Variants in WWC1 observed in about 807,000 individuals in gnomAD.
WWC1 encodes the protein protein KIBRA.
In WWC1, 55 loss-of-function variants were observed where a neutral mutation model predicts 138.4. The ratio of observed to expected loss-of-function variants is 0.40; its 90% CI spans 0.32 to 0.50. The LOEUF is 0.50. Among genes scored for constraint, WWC1 ranks in the 20% least tolerant of loss-of-function variants. The pLI is 0.72. For missense variants in WWC1, 1,226 were observed against 1,420.4 expected (o/e 0.86, Z 2.20); for synonymous variants, 524 against 564.9 (o/e 0.93, Z 1.03).
chr5:168,390,807 C>G (rs924516770), intron 3 of WWC1, among the ~76,000 whole-genome samples: 2 of 152,236 alleles, frequency 1.3e-5, no homozygotes, highest in African/African-American at 4.8e-5. Flanking sequence ...GGTGTAATCT[C>G]TAGCTCCATG....
Position 168,467,967 on chromosome 5 carries a change from A to G in WWC1, c.3275+3A>G, listed in dbSNP as rs1221711646. 1 of 1,614,108 alleles carries G rather than the reference A, an allele frequency of 6.2e-7. No homozygotes were observed. Among genetic ancestry groups the G allele is most frequent in the South Asian group, 1.1e-5 (1 of 91,082 alleles). ...CCCCCAGAAGTTCAGTCTTTCAGGT[A>G]AGCAGAGGGCCCCGGCAGCCCCCCA... On this transcript the variant is annotated splice_donor_region_variant and intron_variant, in intron 22 of 22. Transcript: ENST00000265293.
intron 2 of WWC1, among the ~76,000 whole-genome samples, chr5:168,381,369 A>C (rs1220903411): frequency 2.0e-5 from 3 of 152,132 alleles, no homozygotes; most frequent in Admixed American, 6.5e-5. Flanking sequence ...GGAACTGGAC[A>C]CGGGCCCAGC....
intron 5 of WWC1, among the ~76,000 whole-genome samples, chr5:168,405,360 G>A (rs1376981612): frequency 6.6e-6 from 1 of 152,184 alleles, no homozygotes; most frequent in Non-Finnish European, 1.5e-5. Context: ...CTTGTGGGGT[G>A]AGGCCAGGTA....
At chr5:168,438,609 C>T (rs1336543824) in intron 15 of WWC1, among the ~76,000 whole-genome samples, 2 of 149,174 alleles carry the variant, frequency 1.3e-5, no homozygotes, top group African/African-American at 5.0e-5. Context: ...TGCAAACTGG[C>T]ATTTGGTATT....
chr5:168,338,181 C>A (rs536239637), intron 1 of WWC1, among the ~76,000 whole-genome samples: 1 of 151,350 alleles, frequency 6.6e-6, no homozygotes, highest in South Asian at 2.1e-4. Context: ...CGTGGTGGCA[C>A]GCACCTGTAA....
rs148493161 is a variant in WWC1, at chr5:168,392,920, G to A, written c.434-4804G>A. Among the ~76,000 whole-genome samples the A allele has an allele frequency of 1.4e-4, 22 of 152,086 alleles. No homozygotes were observed. In the East Asian group the frequency reaches 2.9e-3, roughly 20 times the overall value. On this transcript the variant is annotated intron_variant, in intron 3 of 22. Coordinates refer to ENST00000265293, the MANE Select transcript of WWC1 (RefSeq NM_015238.3). ...AAGGAGTATGCATGAAGAAGAGACC[G>A]TTAAGAGAAGCTATATGGTCAGGAA...
Position 168,349,732 on chromosome 5 carries a change from A to C in WWC1, c.120-21692A>C, listed in dbSNP as rs1039053983. On this transcript the variant is annotated intron_variant, in intron 1 of 22. Coordinates refer to ENST00000265293, the MANE Select transcript of WWC1 (RefSeq NM_015238.3). ...TTGCTTCTGTTTGCAGATAGAAGGT[A>C]GAGTGGGGCTGGGAGTGGGGTTGGC... 2.6e-5 allele frequency among the ~76,000 whole-genome samples: 4 copies of C among 152,114 alleles called. No homozygotes were observed. In the East Asian group the frequency reaches 7.7e-4, roughly 29 times the overall value.
intron 20 of WWC1, 100 bp downstream of exon 20, chr5:168,460,842 C>T (rs1437518906): frequency 2.4e-6 from 3 of 1,240,892 alleles, no homozygotes; most frequent in Non-Finnish European, 2.3e-6. Context: ...GGCCATTTCT[C>T]CTCAGCCACT....
intron 5 of WWC1, among the ~76,000 whole-genome samples, chr5:168,402,935 A>T (rs1779416181): frequency 1.3e-5 from 2 of 152,148 alleles, no homozygotes; most frequent in Admixed American, 6.5e-5. Context: ...AATTTCCAGG[A>T]TAACTTTGAC....
chr5:168,349,882 C>G (rs1027245660), intron 1 of WWC1, among the ~76,000 whole-genome samples: 1 of 152,156 alleles, frequency 6.6e-6, no homozygotes. Context: ...CCGTTTGTTT[C>G]CTCAAAATAA....
chr5:168,457,944 A>G (rs545094194), intron 19 of WWC1, among the ~76,000 whole-genome samples: 1 of 152,356 alleles, frequency 6.6e-6, no homozygotes, highest in South Asian at 2.1e-4. Context: ...ACTTGGGTGC[A>G]AGTCACCAGG....
At chr5:168,378,245 G>A (rs1177889685) in intron 2 of WWC1, among the ~76,000 whole-genome samples, 1 of 151,962 alleles carries the variant, frequency 6.6e-6, no homozygotes, top group Non-Finnish European at 1.5e-5. Flanking sequence ...GGTACTTATC[G>A]ACATAAAAGA....
rs7715636 is a variant in WWC1 at position 168,294,176 on chromosome 5, T to C, written c.119+1905T>C. 4.9e-3 allele frequency among the ~76,000 whole-genome samples: 742 copies of C among 152,274 alleles called. 4 individuals are homozygous for C. The highest frequency in any genetic ancestry group is 0.017 in the Middle Eastern group (5 of 294). Reference sequence around the variant, plus strand: ...GAGGCCCCTCTCAACAGTAATTCTTTACCCTTGGAAAAGGGTAAGTAAGTA... The same window carrying C: ...GAGGCCCCTCTCAACAGTAATTCTTCACCCTTGGAAAAGGGTAAGTAAGTA... On this transcript the variant is annotated intron_variant, in intron 1 of 22. Transcript: ENST00000265293.
At chr5:168,442,848 A>AG (rs1754907363) in intron 16 of WWC1, among the ~76,000 whole-genome samples, 1 of 152,072 alleles carries the variant, frequency 6.6e-6, no homozygotes, top group Non-Finnish European at 1.5e-5. Context: ...GAAAAAAAAA[A>AG]AAAAGAAAAG....
chr5:168,386,895 G>A (rs556856301), intron 3 of WWC1, among the ~76,000 whole-genome samples: 25 of 139,788 alleles, frequency 1.8e-4, no homozygotes, highest in African/African-American at 6.2e-4. Flanking sequence ...GGTGATCCAC[G>A]TGCCTCAGCC....
intron 1 of WWC1, among the ~76,000 whole-genome samples, chr5:168,339,666 A>G (rs1209267329): frequency 1.3e-5 from 2 of 152,198 alleles, no homozygotes; most frequent in African/African-American, 4.8e-5. Context: ...TTTGTAACTT[A>G]GCAGACTATC....
chr5:168,391,343 AC>A (rs1175032278), intron 3 of WWC1, among the ~76,000 whole-genome samples: 1 of 152,130 alleles, frequency 6.6e-6, no homozygotes, highest in African/African-American at 2.4e-5. Flanking sequence ...AGTCCAGGCA[AC>A]ATTGCAAGAT....
At chr5:168,303,767 G>T (rs1770299266) in intron 1 of WWC1, among the ~76,000 whole-genome samples, 1 of 152,150 alleles carries the variant, frequency 6.6e-6, no homozygotes, top group South Asian at 2.1e-4. Context: ...ACTGAGCCAG[G>T]ACTCCCCTGC....
chr5:168,377,187 T>C (rs1372344887), intron 2 of WWC1, among the ~76,000 whole-genome samples: 2 of 152,128 alleles, frequency 1.3e-5, no homozygotes, highest in Non-Finnish European at 2.9e-5. Context: ...GGAAAGGACT[T>C]CCTGTTCAAT....
Sources: allele counts gnomAD v4.1 joint callset (sites outside exome capture counted in the v4.1 genomes callset), GRCh38; gene constraint gnomAD v4.1.1; transcripts MANE v1.5; gene names NCBI Gene and HGNC (gene_info 2026-07-23, HGNC 2026-07-21).